The following SYNDIG1 variants were observed in gnomAD, a reference collection of about 807,000 sequenced individuals.
SYNDIG1 encodes synapse differentiation inducing 1, also known as synapse differentiation-inducing gene protein 1.
SYNDIG1 carries 9 observed loss-of-function variants against 19.4 expected under a neutral mutation model. The observed-to-expected ratio is 0.46, with a 90% CI of 0.28 to 0.81. SYNDIG1 has a LOEUF of 0.81. Ranked by LOEUF, SYNDIG1 falls within the 30% of genes least tolerant of loss-of-function variation. SYNDIG1 has a pLI of 0.12. For synonymous variants in SYNDIG1, 141 were observed against 145.9 expected (o/e 0.97, Z 0.24); for missense variants, 311 against 343.3 (o/e 0.91, Z 0.74).
At chr20:24,634,239 A>C (rs1216841997) in intron 3 of SYNDIG1, among the ~76,000 whole-genome samples, 5 of 152,234 alleles carry the variant, frequency 3.3e-5, no homozygotes, top group Non-Finnish European at 7.3e-5. Flanking sequence ...CATAATGTAA[A>C]TACTTCTGGT....
rs141811027 is a variant in SYNDIG1 at position 24,568,230 on chromosome 20, T to C, written c.481-16626T>C. On this transcript the variant is annotated intron_variant, in intron 2 of 3. Transcript: ENST00000376862. ...GGGGACATCGTTGCACTGCAGCTGCTGGAGGCATGTGCTTTCTTTTTGTTT... is the reference window on the plus strand; with the variant it reads ...GGGGACATCGTTGCACTGCAGCTGCCGGAGGCATGTGCTTTCTTTTTGTTT... Among the ~76,000 whole-genome samples, 91 of 152,336 alleles carry C rather than the reference T, an allele frequency of 6.0e-4. 3 individuals carry two copies. Among genetic ancestry groups the C allele is most frequent in the African/African-American group, 1.9e-3 (80 of 41,592 alleles).
In SYNDIG1 at chr20:24,589,731, C is replaced by CA. The variant is rs527860616; in HGVS notation, c.618+4738_618+4739insA. On this transcript the variant is annotated intron_variant, in intron 3 of 3. Transcript: ENST00000376862. Reference sequence around the variant, plus strand: ...ATAAAATGTTTCTTTCCTTTACTAACTGCAACATTATAACAATAATTAAAT... The same window carrying CA: ...ATAAAATGTTTCTTTCCTTTACTAACATGCAACATTATAACAATAATTAAAT... Among the ~76,000 whole-genome samples, 67 of 152,290 alleles carry CA rather than the reference C, an allele frequency of 4.4e-4. 3 individuals are homozygous for CA. The South Asian group carries it at 0.014, about 32-fold the overall frequency.
chr20:24,472,155 A>C (rs560878551), intron 1 of SYNDIG1, among the ~76,000 whole-genome samples: 2 of 152,302 alleles, frequency 1.3e-5, no homozygotes, highest in African/African-American at 2.4e-5. Context: ...GGCCCCCTCC[A>C]TTCCCATTTT....
intron 2 of SYNDIG1, among the ~76,000 whole-genome samples, chr20:24,582,220 A>T (rs1040457086): frequency 9.0e-5 from 1 of 11,066 alleles, no homozygotes; most frequent in African/African-American, 4.1e-4. Context: ...CTTCCTCCCC[A>T]CTTTATATCC....
chr20:24,469,889 C>T (rs1381720107), intron 1 of SYNDIG1, 136 bp downstream of exon 1: 1 of 151,992 alleles, frequency 6.6e-6, no homozygotes, highest in African/African-American at 2.4e-5. Context: ...GGCTCCGCCT[C>T]GGAGCGCGCA....
chr20:24,656,323 A>C (rs2059525475), intron 3 of SYNDIG1, among the ~76,000 whole-genome samples: 1 of 152,244 alleles, frequency 6.6e-6, no homozygotes, highest in African/African-American at 2.4e-5. Flanking sequence ...CTGACGAATA[A>C]GGAGAGTGAC....
Position 24,584,984 on chromosome 20 carries a change from G to T in SYNDIG1, c.609G>T (p.Leu203Phe). Residue 203 changes from leucine (L) to phenylalanine (F), a missense_variant, in exon 3 of 4, where the codon TTG becomes TTT. By Grantham distance (22) the Leu-to-Phe change is conservative. Coordinates refer to ENST00000376862, the MANE Select transcript of SYNDIG1 (RefSeq NM_024893.3). ...FWPLGIAAFY[L>F]SHETNKAVAK... ...CTCTGGGCATCGCAGCCTTCTACTT[G>T]TCCCATGAGGTAAGGCCTCCTTGGT... 6.2e-7 allele frequency: 1 copy of T among 1,612,498 alleles called. No individual in the cohort carries two copies. The highest frequency in any genetic ancestry group is 8.5e-7 in the Non-Finnish European group (1 of 1,179,708).
rs1424335058 is a variant in SYNDIG1, at chr20:24,640,263, T to G, written c.619-25083T>G. ...GCAGGAGAATCTGGGAGGCAGAGTT[T>G]GCAGAGAGCCAAGATCATGCCACTG... On this transcript the variant is annotated intron_variant, in intron 3 of 3. Coordinates refer to ENST00000376862, the MANE Select transcript of SYNDIG1 (RefSeq NM_024893.3). 2.0e-5 allele frequency among the ~76,000 whole-genome samples: 3 copies of G among 151,354 alleles called. No individual in the cohort carries two copies. The East Asian group carries it at 5.8e-4, about 29-fold the overall frequency.
At chr20:24,600,893 G>A (rs955398659) in intron 3 of SYNDIG1, among the ~76,000 whole-genome samples, 2 of 152,186 alleles carry the variant, frequency 1.3e-5, no homozygotes, top group African/African-American at 4.8e-5. Context: ...GGGATTACAG[G>A]TATGAGCCAC....
intron 1 of SYNDIG1, among the ~76,000 whole-genome samples, chr20:24,537,294 G>A (rs1354699245): frequency 6.6e-6 from 1 of 152,186 alleles, no homozygotes; most frequent in Admixed American, 6.5e-5. Flanking sequence ...ATTCTATAAT[G>A]AATCACATGC....
At chr20:24,574,844 C>T (rs2058202019) in intron 2 of SYNDIG1, among the ~76,000 whole-genome samples, 1 of 152,208 alleles carries the variant, frequency 6.6e-6, no homozygotes, top group Non-Finnish European at 1.5e-5. Flanking sequence ...TCATTCGGCT[C>T]CTGCTTCCAG....
At chr20:24,510,443 C>T (rs2056715483) in intron 1 of SYNDIG1, among the ~76,000 whole-genome samples, 1 of 151,324 alleles carries the variant, frequency 6.6e-6, no homozygotes, top group Non-Finnish European at 1.5e-5. Flanking sequence ...GTGGTGGGCG[C>T]CTGTAATCCC....
intron 3 of SYNDIG1, among the ~76,000 whole-genome samples, chr20:24,634,265 C>T (rs931122957): frequency 6.6e-6 from 1 of 152,192 alleles, no homozygotes; most frequent in African/African-American, 2.4e-5. Context: ...CATATAAACA[C>T]CAGCATTGAC....
chr20:24,569,272 G>A (rs377466754), intron 2 of SYNDIG1, among the ~76,000 whole-genome samples: 19 of 152,328 alleles, frequency 1.2e-4, no homozygotes, highest in African/African-American at 4.6e-4. Context: ...ACAGGAGAGT[G>A]ACTCGTGTGT....
intron 2 of SYNDIG1, among the ~76,000 whole-genome samples, chr20:24,575,175 C>T (rs913692992): frequency 1.3e-5 from 2 of 152,160 alleles, no homozygotes; most frequent in African/African-American, 4.8e-5. Flanking sequence ...AAGAGCTGAA[C>T]GTTTTTGAAA....
intron 1 of SYNDIG1, among the ~76,000 whole-genome samples, chr20:24,498,104 A>G (rs532244109): frequency 6.6e-6 from 1 of 152,354 alleles, no homozygotes; most frequent in Non-Finnish European, 1.5e-5. Flanking sequence ...CCTTTAAACA[A>G]AAACAAGTCA....
intron 3 of SYNDIG1, among the ~76,000 whole-genome samples, chr20:24,657,345 G>C (rs1568720250): frequency 6.6e-6 from 1 of 152,180 alleles, no homozygotes; most frequent in Non-Finnish European, 1.5e-5. Flanking sequence ...GGCTGGCCTT[G>C]AGGACAAGGA....
intron 3 of SYNDIG1, among the ~76,000 whole-genome samples, chr20:24,644,705 T>C (rs1015087699): frequency 3.3e-5 from 5 of 152,220 alleles, no homozygotes. Context: ...GAACCAGCTA[T>C]CTGAGAGAAG....
intron 1 of SYNDIG1, among the ~76,000 whole-genome samples, chr20:24,486,269 G>A (rs1338022571): frequency 6.6e-6 from 1 of 152,228 alleles, no homozygotes; most frequent in Admixed American, 6.5e-5. Flanking sequence ...GGGTGCTGGA[G>A]AGGTGGCAAC....
Sources: gnomAD v4.1 joint callset for allele counts (sites outside exome capture counted in the v4.1 genomes callset) on GRCh38, gnomAD v4.1.1 for gene constraint, MANE v1.5 for transcripts, NCBI Gene and HGNC (gene_info 2026-07-23, HGNC 2026-07-21) for gene names.